Variants in LIMD2 observed in about 807,000 individuals in gnomAD.
LIMD2 encodes the protein LIM domain containing 2.
Under a neutral mutation model 16.0 loss-of-function variants are expected in LIMD2, and 11 were observed. That is an observed-to-expected ratio of 0.69 (90% CI 0.43 to 1.14). The LOEUF (loss-of-function observed/expected upper bound fraction) is 1.14, where lower values mean the gene tolerates loss of function less well. Among genes scored for constraint, LIMD2 ranks in the 50% most tolerant of loss-of-function variants. The probability of loss-of-function intolerance (pLI) is 0.00; values close to 1 mark genes in which losing one functional copy is unlikely to be tolerated. For missense variants in LIMD2, 168 were observed against 165.8 expected, an observed-to-expected ratio of 1.01 and a Z score of -0.07; for synonymous variants, 60 against 67.1, an observed-to-expected ratio of 0.89 and a Z score of 0.52.
rs1412284331 is a variant in LIMD2 at position 63,699,044 on chromosome 17, G to A, written c.68C>T (p.Thr23Met). 10 of 1,607,938 alleles carry A rather than the reference G, an allele frequency of 6.2e-6. No homozygotes were observed. Among genetic ancestry groups the A allele is most frequent in the South Asian group, 3.3e-5 (3 of 90,716 alleles). ...GGCCCCTACCTTGGAGCGCTGCACC[G>A]TGCTGCTGCCGCCGCCTTTGGCGTC... is the stretch of plus-strand genomic sequence containing the variant. ...SHDAKGGGSS[T>M]VQRSKSFSLR... The change falls in exon 3 of 5, where the codon ACG (threonine) becomes ATG (methionine). Residue 23 changes from threonine to methionine, a missense_variant. Coordinates refer to ENST00000259006, the MANE Select transcript of LIMD2 (RefSeq NM_030576.4).
In LIMD2 at chr17:63,699,550, G is replaced by A. The variant is rs902382511; in HGVS notation, c.-50-202C>T. ...AGGGGCCGGGGTCCCGAGTGGCACC[G>A]TCCCTCGGAAGAACAAAGTTAGCGG... On this transcript the variant is annotated intron_variant, in intron 1 of 4. Coordinates refer to ENST00000259006, the MANE Select transcript of LIMD2 (RefSeq NM_030576.4). The A allele has an allele frequency of 9.9e-6, 5 of 503,614 alleles. No homozygotes were observed. In the Admixed American group the frequency reaches 1.2e-4, roughly 12 times the overall value. The allele number at this position is 503,614 out of a possible 1,614,324, so 31.2% of individuals were successfully genotyped here.
Position 63,698,441 on chromosome 17 carries a change from G to T in LIMD2, c.*111C>A. ...GCCCTGGTCCCCTACGCCTGAGCAA[G>T]CCTCATCCCCTTCCCACCTGGCCCC... is the stretch of plus-strand genomic sequence containing the variant. On this transcript the variant is annotated 3_prime_UTR_variant, in exon 5 of 5. Coordinates refer to ENST00000259006, the MANE Select transcript of LIMD2 (RefSeq NM_030576.4). The T allele has an allele frequency of 2.4e-6, 3 of 1,261,070 alleles. No individual in the cohort carries two copies. The highest frequency in any genetic ancestry group is 3.3e-6 in the Non-Finnish European group (3 of 918,920). 78.1% of individuals were successfully genotyped at this position (1,261,070 alleles called of 1,614,324 possible).
intron 1 of LIMD2, 192 bp from the exon 2 acceptor site, chr17:63,699,540 G>A (rs910867507): frequency 3.7e-6 from 2 of 536,154 alleles, no homozygotes; most frequent in Non-Finnish European, 3.2e-6. Context: ...CCGGGGTCCC[G>A]AGTGGCACCG....
Position 63,699,166 on chromosome 17 carries a change from A to T in LIMD2, c.42+91T>A, listed in dbSNP as rs991125018. 43 of 1,585,728 alleles carry T rather than the reference A, an allele frequency of 2.7e-5. No homozygotes were observed. In the East Asian group the frequency reaches 9.5e-4, roughly 35 times the overall value. ...AAGGCCCAGGGGCGCGCCGCAGGGC[A>T]CAAAGGGGGCCGGCAAACTCTGATG... On this transcript the variant is annotated intron_variant, in intron 2 of 4. Transcript: ENST00000259006.
At position 63,698,791 on chromosome 17, in the gene LIMD2, G is replaced by C; in HGVS notation, c.224+8C>G. On this transcript the variant is annotated splice_region_variant and intron_variant, in intron 4 of 4. Transcript: ENST00000259006. ...GGCGAGGCGGGGGCGGGCAGGGCAG[G>C]GGCGCACCTGAGCTTGGTGTGACAG... 3 of 1,612,666 alleles carry C rather than the reference G, an allele frequency of 1.9e-6. No individual in the cohort carries two copies. Among genetic ancestry groups the C allele is most frequent in the Non-Finnish European group, 2.5e-6 (3 of 1,179,876 alleles).
Position 63,698,378 on chromosome 17 carries a change from G to T in LIMD2, c.*174C>A. 1 of 756,290 alleles carries T rather than the reference G, an allele frequency of 1.3e-6. No individual in the cohort carries two copies. The highest frequency in any genetic ancestry group is 2.1e-6 in the Non-Finnish European group (1 of 480,054). The allele number at this position is 756,290 out of a possible 1,614,324, so 46.8% of individuals were successfully genotyped here. A position where few individuals can be genotyped will look rare whatever the true frequency, so the allele number is the denominator to read the frequency against. ...GGTTTCCAAACCCTCACCGGCTGCG[G>T]GAGAAGGAAGAAGGAAGGAGTCCTG... On this transcript the variant is annotated 3_prime_UTR_variant, in exon 5 of 5. Transcript: ENST00000259006.
chr17:63,700,305 CCCCGGCTCCGCGCT>C (rs939207459), upstream of LIMD2: 63 of 356,520 alleles, frequency 1.8e-4, no homozygotes, highest in African/African-American at 8.2e-4. The surrounding 1 kb of genome is among the most constrained non-coding windows in gnomAD (Gnocchi z 7.1). Flanking sequence ...CTGTCCCCCG[CCCCGGCTCCGCGCT>C]CCCGGCTCCG....
At chr17:63,700,795 G>A (rs1377486850), upstream of LIMD2, 1 of 143,714 alleles carries the variant, frequency 7.0e-6, no homozygotes, top group Admixed American at 7.1e-5. The surrounding 1 kb of genome is among the most constrained non-coding windows in gnomAD (Gnocchi z 7.1). Context: ...GCGGGGAGGA[G>A]CCTGCACGAG....
In LIMD2 at chr17:63,698,150, A is replaced by C; in HGVS notation, c.*402T>G. 1 of 213,408 alleles carries C rather than the reference A, an allele frequency of 4.7e-6. No individual in the cohort carries two copies. 13.2% of individuals were successfully genotyped at this position (213,408 alleles called of 1,614,324 possible). A position where few individuals can be genotyped will look rare whatever the true frequency, so the allele number is the denominator to read the frequency against. ...TCAGAAACAGGTTAAGGGTAGAGGTAGATGGGGAGACGTGGGGGCCACACA... is the reference window on the plus strand; with the variant it reads ...TCAGAAACAGGTTAAGGGTAGAGGTCGATGGGGAGACGTGGGGGCCACACA... On this transcript the variant is annotated 3_prime_UTR_variant, in exon 5 of 5. Transcript: ENST00000259006.
chr17:63,699,064 G>A lies in LIMD2; in HGVS notation c.48C>T (p.Ala16=), dbSNP rs748616045. The A allele has an allele frequency of 1.2e-6, 2 of 1,605,784 alleles. No homozygotes were observed. The highest frequency in any genetic ancestry group is 1.7e-6 in the Non-Finnish European group (2 of 1,177,282). Residue 16 remains alanine, a synonymous_variant, in exon 3 of 5, where the codon GCC becomes GCT. Transcript: ENST00000259006. ...GCACCGTGCTGCTGCCGCCGCCTTT[G>A]GCGTCCTGAGGGAGAGGGGCGGTCA... ...GAAQATPSHD[A]KGGGSSTVQR... is the part of the protein sequence containing the mutation.
At chr17:63,698,993 C>T (rs765235772) in intron 3 of LIMD2, 35 bp downstream of exon 3, 1 of 1,610,248 alleles carries the variant, frequency 6.2e-7, no homozygotes, top group Non-Finnish European at 8.5e-7. Flanking sequence ...CTCCCTCACA[C>T]CCCTCCTCCC....
chr17:63,696,156 C>CT lies in LIMD2; in HGVS notation c.*2395dup, dbSNP rs953442720. ...CCTTCCACCCACCCCAGCTCTATGT[C>CT]TGTGTCTGAATTGTGGATCGTGCAG... On this transcript the variant is annotated 3_prime_UTR_variant, in exon 5 of 5. Transcript: ENST00000259006. 1 of 152,500 alleles carries CT rather than the reference C, an allele frequency of 6.6e-6. No individual in the cohort carries two copies. Among genetic ancestry groups the CT allele is most frequent in the Non-Finnish European group, 1.5e-5 (1 of 68,092 alleles). 9.4% of individuals were successfully genotyped at this position (152,500 alleles called of 1,614,324 possible).
At chr17:63,699,676 G>C (rs2035755208) in intron 1 of LIMD2, 1 of 316,214 alleles carries the variant, frequency 3.2e-6, no homozygotes, top group African/African-American at 2.2e-5. Flanking sequence ...GCCGCGATGA[G>C]AAGCCGCTGC....
upstream of LIMD2, chr17:63,700,271 C>T (rs2035766041): frequency 1.8e-6 from 1 of 556,360 alleles, no homozygotes; most frequent in Admixed American, 6.4e-5. The surrounding 1 kb of genome is among the most constrained non-coding windows in gnomAD (Gnocchi z 7.1). Context: ...TTTGTCTTCC[C>T]CTCGCCGCCG....
chr17:63,701,007 G>A (rs930731931), upstream of LIMD2: 1 of 152,232 alleles, frequency 6.6e-6, no homozygotes, highest in South Asian at 2.1e-4. Flanking sequence ...TGGGAGCCGC[G>A]GCCCAGAGAG....
At chr17:63,698,737 G>C in intron 4 of LIMD2, 26 bp from the exon 5 acceptor site, 1 of 1,612,752 alleles carries the variant, frequency 6.2e-7, no homozygotes, top group Non-Finnish European at 8.5e-7. Context: ...AACGGCGTCA[G>C]GTCAGGTCAG....
At chr17:63,699,112 C>T in intron 2 of LIMD2, 43 bp from the exon 3 acceptor site, 1 of 1,584,076 alleles carries the variant, frequency 6.3e-7, no homozygotes. Flanking sequence ...CTCCGGGAGG[C>T]CCTGGATCAG....
intron 1 of LIMD2, chr17:63,699,817 A>ACCGGACC (rs2035758476): frequency 4.7e-5 from 31 of 659,424 alleles, no homozygotes; most frequent in Non-Finnish European, 5.7e-5. Context: ...CCCCGCGAGG[A>ACCGGACC]CCGGACCCCA....
At position 63,696,687 on chromosome 17, in the gene LIMD2, C is replaced by T. The variant is rs2035698815; in HGVS notation, c.*1865G>A. ...TCTTTGCAGGGCAGGGGTCAGGTGT[C>T]TCCAAGAGCCACCTCTCCAGTACCC... On this transcript the variant is annotated 3_prime_UTR_variant, in exon 5 of 5. Transcript: ENST00000259006. 1 of 152,254 alleles carries T rather than the reference C, an allele frequency of 6.6e-6. No homozygotes were observed. Among genetic ancestry groups the T allele is most frequent in the Non-Finnish European group, 1.5e-5 (1 of 68,076 alleles). 9.4% of individuals were successfully genotyped at this position (152,254 alleles called of 1,614,324 possible).
Sources: gnomAD v4.1 joint callset for allele counts on GRCh38, gnomAD v4.1.1 for gene constraint, Gnocchi (gnomAD v3.1) non-coding constraint, MANE v1.5 for transcripts, NCBI Gene and HGNC (gene_info 2026-07-23, HGNC 2026-07-21) for gene names.